VTA1: variants seen among roughly 807,000 people sequenced by gnomAD.
VTA1 encodes vacuolar protein sorting-associated protein VTA1 homolog.
Under a neutral mutation model 36.9 loss-of-function variants are expected in VTA1, and 24 were observed. The ratio of observed to expected loss-of-function variants is 0.65; its 90% CI spans 0.47 to 0.91. The LOEUF (loss-of-function observed/expected upper bound fraction) is 0.91. Among genes scored for constraint, VTA1 ranks in the 40% least tolerant of loss-of-function variants. VTA1 has a pLI of 0.00. For missense variants in VTA1, 393 were observed against 377.2 expected, an observed-to-expected ratio of 1.04 and a Z score of -0.35; for synonymous variants, 142 against 130.2, an observed-to-expected ratio of 1.09 and a Z score of -0.62.
intron 7 of VTA1, among the ~76,000 whole-genome samples, chr6:142,208,463 A>G (rs1775839248): frequency 6.6e-6 from 1 of 152,204 alleles, no homozygotes; most frequent in East Asian, 1.9e-4. Context: ...ACCAAATCTA[A>G]GAGCCATTGA....
chr6:142,198,215 T>C (rs538635003), intron 5 of VTA1, among the ~76,000 whole-genome samples: 1 of 151,174 alleles, frequency 6.6e-6, no homozygotes, highest in Non-Finnish European at 1.5e-5. Flanking sequence ...AATTAAAAAA[T>C]ATTAACCTGA....
intron 5 of VTA1, among the ~76,000 whole-genome samples, chr6:142,196,460 C>T (rs1456617091): frequency 2.6e-5 from 4 of 152,176 alleles, no homozygotes; most frequent in East Asian, 3.8e-4. Flanking sequence ...TATTCTGTCT[C>T]TCAACCCCTG....
rs1776118149 is a variant in VTA1 at position 142,221,893 on chromosome 6, C to G, written c.*3250C>G. ...GGCTGAGGCAGGAGAATCGCTTGAA[C>G]CCAGGAGGCGGAGGTTGCAGTGAGC... is the stretch of plus-strand genomic sequence containing the variant. On this transcript the variant is annotated 3_prime_UTR_variant, in exon 8 of 8. Coordinates refer to ENST00000367630, the MANE Select transcript of VTA1 (RefSeq NM_016485.5). The G allele has an allele frequency of 6.6e-6, 1 of 150,958 alleles. No individual in the cohort carries two copies. The highest frequency in any genetic ancestry group is 1.5e-5 in the Non-Finnish European group (1 of 67,950). 9.4% of individuals were successfully genotyped at this position (150,958 alleles called of 1,614,324 possible). A position where few individuals can be genotyped will look rare whatever the true frequency, so the allele number is the denominator to read the frequency against.
chr6:142,200,524 CTA>C (rs1562267723), intron 6 of VTA1, among the ~76,000 whole-genome samples: 1 of 151,818 alleles, frequency 6.6e-6, no homozygotes, highest in East Asian at 1.9e-4. Flanking sequence ...TAGGTACACT[CTA>C]TGAGTATACA....
At chr6:142,209,253 A>ATC (rs1033041264) in intron 7 of VTA1, among the ~76,000 whole-genome samples, 6 of 152,070 alleles carry the variant, frequency 3.9e-5, no homozygotes, top group African/African-American at 1.4e-4. Flanking sequence ...ACAGCAAATA[A>ATC]TCTGAAAATC....
rs1373871386 is a variant in VTA1, at chr6:142,221,784, T to A, written c.*3141T>A. ...TAATATATAAATATGTATTTATATATAAATCATAAATATATTAATAAATAT... is the reference window on the plus strand; with the variant it reads ...TAATATATAAATATGTATTTATATAAAAATCATAAATATATTAATAAATAT... On this transcript the variant is annotated 3_prime_UTR_variant, in exon 8 of 8. Transcript: ENST00000367630. The A allele has an allele frequency of 6.8e-6, 1 of 147,932 alleles. No individual in the cohort carries two copies. Among genetic ancestry groups the A allele is most frequent in the Non-Finnish European group, 1.5e-5 (1 of 67,202 alleles). 9.2% of individuals were successfully genotyped at this position (147,932 alleles called of 1,614,324 possible). A position where few individuals can be genotyped will look rare whatever the true frequency, so the allele number is the denominator to read the frequency against.
rs1774994989 is a variant in VTA1 at position 142,169,799 on chromosome 6, T to G, written c.335+122T>G. The G allele has an allele frequency of 1.7e-5, 15 of 886,174 alleles. No individual in the cohort carries two copies. The East Asian group carries it at 4.5e-4, about 27-fold the overall frequency. 54.9% of individuals were successfully genotyped at this position (886,174 alleles called of 1,614,324 possible). A position where few individuals can be genotyped will look rare whatever the true frequency, so the allele number is the denominator to read the frequency against. On this transcript the variant is annotated intron_variant, in intron 3 of 7. Coordinates refer to ENST00000367630, the MANE Select transcript of VTA1 (RefSeq NM_016485.5). Reference sequence around the variant, plus strand: ...TGATTTAGGTTTTTTTAGAAAAAAATTATCAAACCTCACGGTGATTTTAGA... The same window carrying G: ...TGATTTAGGTTTTTTTAGAAAAAAAGTATCAAACCTCACGGTGATTTTAGA...
intron 2 of VTA1, 42 bp from the exon 3 acceptor site, chr6:142,169,508 G>C: frequency 6.3e-7 from 1 of 1,584,192 alleles, no homozygotes; most frequent in Non-Finnish European, 8.5e-7. Context: ...CAACACTTCT[G>C]AGAGTCCAAA....
chr6:142,209,465 T>C (rs1321634942), intron 7 of VTA1, among the ~76,000 whole-genome samples: 1 of 148,496 alleles, frequency 6.7e-6, no homozygotes, highest in Non-Finnish European at 1.5e-5. Flanking sequence ...CAAAAAAATA[T>C]AAAATACCTG....
At chr6:142,170,230 C>A in intron 3 of VTA1, 116 bp from the exon 4 acceptor site, 2 of 705,592 alleles carry the variant, frequency 2.8e-6, no homozygotes, top group Non-Finnish European at 2.4e-6. Flanking sequence ...TTATTTAAAA[C>A]ATGAATTTCA....
intron 7 of VTA1, among the ~76,000 whole-genome samples, chr6:142,210,440 A>AT: frequency 6.6e-6 from 1 of 152,346 alleles, no homozygotes; most frequent in African/African-American, 2.4e-5. Flanking sequence ...GATTAGATCC[A>AT]GCTAAAATGC....
intron 1 of VTA1, among the ~76,000 whole-genome samples, chr6:142,152,278 C>T (rs1429802367): frequency 6.6e-6 from 1 of 151,990 alleles, no homozygotes; most frequent in African/African-American, 2.4e-5. Flanking sequence ...GATGGGGTAA[C>T]AAATCCTTTT....
chr6:142,203,936 T>A, intron 6 of VTA1, 49 bp from the exon 7 acceptor site: 1 of 1,490,930 alleles, frequency 6.7e-7, no homozygotes. Flanking sequence ...TGCTGTATAA[T>A]TAAAAGGTGT....
intron 1 of VTA1, among the ~76,000 whole-genome samples, chr6:142,156,804 A>C (rs1364287427): frequency 6.6e-6 from 1 of 152,236 alleles, no homozygotes; most frequent in Non-Finnish European, 1.5e-5. Context: ...AGGACATACC[A>C]GTAGAAAATG....
chr6:142,206,081 GAAAT>G (rs1775785942), intron 7 of VTA1, among the ~76,000 whole-genome samples: 1 of 151,952 alleles, frequency 6.6e-6, no homozygotes, highest in African/African-American at 2.4e-5. Context: ...AAAGGAAAAA[GAAAT>G]AAAAGCTATA....
At chr6:142,189,049 G>C (rs367715415) in intron 4 of VTA1, among the ~76,000 whole-genome samples, 2 of 151,888 alleles carry the variant, frequency 1.3e-5, no homozygotes, top group South Asian at 2.1e-4. Flanking sequence ...TTTGTCTTTA[G>C]TGAAAATAAT....
chr6:142,194,961 T>C (rs749001554), intron 5 of VTA1, among the ~76,000 whole-genome samples: 4 of 152,118 alleles, frequency 2.6e-5, no homozygotes, highest in Non-Finnish European at 5.9e-5. Flanking sequence ...TTTCAAATGT[T>C]GAACCAACCC....
intron 1 of VTA1, among the ~76,000 whole-genome samples, chr6:142,159,490 T>C (rs1774742125): frequency 7.5e-6 from 1 of 132,948 alleles, no homozygotes; most frequent in Non-Finnish European, 1.5e-5. Context: ...ATTATTATTA[T>C]TATTATTATT....
At chr6:142,171,063 T>C (rs1225853812) in intron 4 of VTA1, among the ~76,000 whole-genome samples, 1 of 152,152 alleles carries the variant, frequency 6.6e-6, no homozygotes, top group Non-Finnish European at 1.5e-5. Flanking sequence ...GTTAAGTTTT[T>C]ACACTGTAAT....
Sources: allele counts gnomAD v4.1 joint callset (sites outside exome capture counted in the v4.1 genomes callset), GRCh38; gene constraint gnomAD v4.1.1; transcripts MANE v1.5; gene names NCBI Gene and HGNC (gene_info 2026-07-23, HGNC 2026-07-21).